HIVEP3: variants seen among roughly 807,000 people sequenced by gnomAD.
The protein encoded by HIVEP3 is HIVEP zinc finger 3, also known as transcription factor HIVEP3.
A neutral mutation model predicts 152.8 loss-of-function variants in HIVEP3; 49 were observed. That is an observed-to-expected ratio of 0.32 (90% CI 0.26 to 0.41). The LOEUF (loss-of-function observed/expected upper bound fraction) is 0.41. Ranked by LOEUF, HIVEP3 falls within the 10% of genes least tolerant of loss-of-function variation. HIVEP3 has a pLI of 1.00. For synonymous variants in HIVEP3, 1,269 were observed against 1,289.0 expected (o/e 0.98, Z 0.33); for missense variants, 2,790 against 3,103.3 (o/e 0.90, Z 2.40).
intron 1 of HIVEP3, among the ~76,000 whole-genome samples, chr1:41,831,741 G>A (rs1358278625): frequency 6.6e-6 from 1 of 152,206 alleles, no homozygotes; most frequent in African/African-American, 2.4e-5. Context: ...GAGGCTGCCT[G>A]TGCACCAGGC....
At chr1:41,573,804 GC>G (rs1437037447) in intron 5 of HIVEP3, among the ~76,000 whole-genome samples, 1 of 152,166 alleles carries the variant, frequency 6.6e-6, no homozygotes, top group African/African-American at 2.4e-5. Flanking sequence ...GGTAAGTGGG[GC>G]AGAGATGACA....
chr1:41,548,313 C>T (rs1643853358), intron 5 of HIVEP3, among the ~76,000 whole-genome samples: 1 of 152,174 alleles, frequency 6.6e-6, no homozygotes, highest in Admixed American at 6.5e-5. Flanking sequence ...AAGGGATTCA[C>T]AGGGGCATTA....
chr1:42,025,309 C>T (rs1645575797), intron 1 of HIVEP3, among the ~76,000 whole-genome samples: 1 of 152,156 alleles, frequency 6.6e-6, no homozygotes, highest in Non-Finnish European at 1.5e-5. Flanking sequence ...TAATGGGAAA[C>T]CACTACATTT....
chr1:41,798,846 T>A (rs1432145999), intron 1 of HIVEP3, among the ~76,000 whole-genome samples: 2 of 152,210 alleles, frequency 1.3e-5, no homozygotes, highest in African/African-American at 4.8e-5. Context: ...CCCAGACCCC[T>A]GCTTCTGATG....
intron 1 of HIVEP3, among the ~76,000 whole-genome samples, chr1:41,811,338 A>T (rs1008508265): frequency 8.0e-5 from 12 of 150,808 alleles, no homozygotes; most frequent in African/African-American, 2.7e-4. Context: ...AAACTTCAGG[A>T]TCCATGTCTT....
At chr1:41,862,270 C>T (rs1019355984) in intron 1 of HIVEP3, among the ~76,000 whole-genome samples, 4 of 152,178 alleles carry the variant, frequency 2.6e-5, no homozygotes, top group African/African-American at 9.7e-5. Flanking sequence ...GGGCTCTGCA[C>T]TCCTCTCCAC....
At chr1:42,028,071 C>G (rs1290719271) in intron 1 of HIVEP3, among the ~76,000 whole-genome samples, 3 of 152,172 alleles carry the variant, frequency 2.0e-5, no homozygotes, top group African/African-American at 7.2e-5. Context: ...TATTAAGAGG[C>G]CTTCCTTGAA....
intron 1 of HIVEP3, among the ~76,000 whole-genome samples, chr1:41,891,317 G>T (rs12064813): frequency 0.12 from 18,629 of 152,180 alleles, 2,594 homozygotes; most frequent in African/African-American, 0.34. Context: ...GGTTGCACAT[G>T]TATTTCTACT....
chr1:41,695,502 G>A (rs2124117132), intron 2 of HIVEP3, among the ~76,000 whole-genome samples: 1 of 152,308 alleles, frequency 6.6e-6, no homozygotes, highest in South Asian at 2.1e-4. Flanking sequence ...ACATGGGGAT[G>A]AGCAGCCTAC....
chr1:41,786,774 T>TG (rs1419781434), intron 1 of HIVEP3, among the ~76,000 whole-genome samples: 2 of 149,846 alleles, frequency 1.3e-5, no homozygotes, highest in Non-Finnish European at 3.0e-5. Context: ...TTTTTTGAGA[T>TG]GGGGTCTCAC....
chr1:41,736,321 C>T (rs1303200799), intron 1 of HIVEP3, among the ~76,000 whole-genome samples: 7 of 152,190 alleles, frequency 4.6e-5, no homozygotes, highest in Non-Finnish European at 8.8e-5. Context: ...GGTGCATTCT[C>T]TGTCCATAAG....
At chr1:41,840,444 T>A (rs1643254475) in intron 1 of HIVEP3, among the ~76,000 whole-genome samples, 1 of 152,062 alleles carries the variant, frequency 6.6e-6, no homozygotes, top group Admixed American at 6.5e-5. Context: ...CACCAGAAAT[T>A]AGAAGAGGCA....
rs1306017579 is a variant in HIVEP3 at position 41,662,236 on chromosome 1, G to C, written c.-720-33289C>G. On this transcript the variant is annotated intron_variant, in intron 2 of 8. Transcript: ENST00000372583. This position sits in a 1 kb window ranked among gnomAD's most constrained non-coding sequence, Gnocchi z 7.2. ...GCCTCCGCGCGGCTCGGCAGCGCCC[G>C]CGCGCTCGGCTCCGCCCGGCTCGGC... is the stretch of plus-strand genomic sequence containing the variant. The C allele has an allele frequency of 1.4e-5, 2 of 144,270 alleles. No homozygotes were observed. Among genetic ancestry groups the C allele is most frequent in the Admixed American group, 6.8e-5 (1 of 14,602 alleles). The allele number at this position is 144,270 out of a possible 1,614,324, so 8.9% of individuals were successfully genotyped here.
chr1:41,845,110 C>G (rs536585430), intron 1 of HIVEP3, among the ~76,000 whole-genome samples: 8 of 152,366 alleles, frequency 5.3e-5, no homozygotes, highest in South Asian at 4.1e-4. Context: ...GTAGCCTCCC[C>G]TGACAACTCA....
chr1:41,856,335 G>A (rs1570677618), intron 1 of HIVEP3, among the ~76,000 whole-genome samples: 1 of 152,288 alleles, frequency 6.6e-6, no homozygotes, highest in Non-Finnish European at 1.5e-5. Flanking sequence ...AACAGGATGG[G>A]TGCCCAAGTG....
chr1:41,937,440 C>T (rs1437419755), intron 1 of HIVEP3, among the ~76,000 whole-genome samples: 1 of 152,164 alleles, frequency 6.6e-6, no homozygotes, highest in East Asian at 1.9e-4. Flanking sequence ...CAAATTGAAA[C>T]TGAGAGGATC....
intron 1 of HIVEP3, among the ~76,000 whole-genome samples, chr1:41,809,279 G>A (rs1045285595): frequency 4.6e-5 from 7 of 152,160 alleles, no homozygotes; most frequent in Non-Finnish European, 7.3e-5. Context: ...CATTGTTGAC[G>A]GCTCAGACAG....
At chr1:41,946,696 T>C (rs1047646286) in intron 1 of HIVEP3, among the ~76,000 whole-genome samples, 6 of 152,124 alleles carry the variant, frequency 3.9e-5, no homozygotes, top group Non-Finnish European at 5.9e-5. Context: ...GTCTGGGCAA[T>C]AGAAGGACAA....
In HIVEP3 at chr1:41,513,473, G is replaced by A. The variant is rs150928381; in HGVS notation, c.5748C>T (p.Ser1916=). The A allele has an allele frequency of 1.9e-6, 3 of 1,611,124 alleles. No homozygotes were observed. Among genetic ancestry groups the A allele is most frequent in the Non-Finnish European group, 2.5e-6 (3 of 1,179,420 alleles). The change falls in exon 8 of 9, where the codon AGC becomes AGT. Residue 1916 remains serine, a synonymous_variant. Transcript: ENST00000372583. ...TCAGGCGCTCAGCTTCCGAGACCGA[G>A]CTGCCTCGTGTAGCCTCCGTGCCAG... The part of the protein sequence containing the change: ...PASGTEATRG[S]SVSEAERLTA...
Sources: gnomAD v4.1 joint callset for allele counts (sites outside exome capture counted in the v4.1 genomes callset) on GRCh38, gnomAD v4.1.1 for gene constraint, Gnocchi (gnomAD v3.1) non-coding constraint, MANE v1.5 for transcripts, NCBI Gene and HGNC (gene_info 2026-07-23, HGNC 2026-07-21) for gene names.